The following RIN2 variants were observed in gnomAD, a reference collection of about 807,000 sequenced individuals.
RIN2 encodes Ras and Rab interactor 2, also known as RAB5 interacting protein 2.
Under a neutral mutation model 78.0 loss-of-function variants are expected in RIN2, and 36 were observed. The observed-to-expected ratio is 0.46, with a 90% CI of 0.35 to 0.61. The LOEUF (loss-of-function observed/expected upper bound fraction) is 0.61, where lower values mean the gene tolerates loss of function less well. Among genes scored for constraint, RIN2 ranks in the 20% least tolerant of loss-of-function variants. The probability of loss-of-function intolerance (pLI) is 0.00; values close to 1 mark genes in which losing one functional copy is unlikely to be tolerated. For missense variants in RIN2, 1,087 were observed against 1,159.7 expected (o/e 0.94, Z 0.91); for synonymous variants, 466 against 466.8 (o/e 1.00, Z 0.02).
intron 1 of RIN2, among the ~76,000 whole-genome samples, chr20:19,766,737 A>G (rs2033900372): frequency 6.6e-6 from 1 of 152,036 alleles, no homozygotes; most frequent in Non-Finnish European, 1.5e-5. Context: ...CCTGGCCAAT[A>G]TGGTGAAACC....
chr20:19,974,581 T>C, intron 8 of RIN2, 73 bp from the exon 9 acceptor site: 1 of 1,489,408 alleles, frequency 6.7e-7, no homozygotes, highest in Admixed American at 1.9e-5. Flanking sequence ...GCAGTGTGCT[T>C]TTTTTAATTT....
At position 19,844,651 on chromosome 20, in the gene RIN2, CTT is replaced by C. The variant is rs374502699; in HGVS notation, c.-37+44905_-37+44906del. ...TCTTCTTCTTCTTCTTCTTCTTCTTCTTCTTCTTCTTCTTCTTCCTTCTTCTT... is the reference window on the plus strand; with the variant it reads ...TCTTCTTCTTCTTCTTCTTCTTCTTCCTTCTTCTTCTTCTTCCTTCTTCTT... On this transcript the variant is annotated intron_variant, in intron 2 of 12. Transcript: ENST00000255006. 3.8e-4 allele frequency among the ~76,000 whole-genome samples: 40 copies of C among 106,614 alleles called. 1 individual carries two copies. In the East Asian group the frequency reaches 3.8e-3, roughly 10 times the overall value. The allele number at this position is 106,614 out of a possible 152,430, so 69.9% of individuals were successfully genotyped here.
chr20:19,832,887 C>A (rs1295667925), intron 2 of RIN2, among the ~76,000 whole-genome samples: 1 of 152,106 alleles, frequency 6.6e-6, no homozygotes, highest in African/African-American at 2.4e-5. Flanking sequence ...TTCTCCCCTC[C>A]TAAGGGCCCC....
chr20:19,886,634 T>C (rs2038207734), intron 2 of RIN2: 3 of 686,894 alleles, frequency 4.4e-6, no homozygotes, highest in Admixed American at 3.0e-5. Context: ...TTTTTTTTGC[T>C]AGCTTTTAGC....
chr20:19,965,135 C>A, intron 7 of RIN2, 111 bp downstream of exon 7: 1 of 816,190 alleles, frequency 1.2e-6, no homozygotes, highest in Non-Finnish European at 2.1e-6. Context: ...TTGATGTTGG[C>A]AGATTAAGAC....
In RIN2 at chr20:19,844,675, T is replaced by TCTTC. The variant is rs2036712500; in HGVS notation, c.-36-44890_-36-44887dup. ...TCTTCTTCTTCTTCTTCTTCCTTCTTCTTCTTCTTCCTCTTCCTCTTCCTC... is the reference window on the plus strand; with the variant it reads ...TCTTCTTCTTCTTCTTCTTCCTTCTTCTTCCTTCTTCTTCCTCTTCCTCTTCCTC... On this transcript the variant is annotated intron_variant, in intron 2 of 12. Transcript: ENST00000255006. Among the ~76,000 whole-genome samples, 21 of 67,604 alleles carry TCTTC rather than the reference T, an allele frequency of 3.1e-4. No individual in the cohort carries two copies. In the East Asian group the frequency reaches 6.2e-3, roughly 20 times the overall value. The allele number at this position is 67,604 out of a possible 152,430, so 44.4% of individuals were successfully genotyped here.
At chr20:19,918,654 A>G (rs1336871473) in intron 3 of RIN2, among the ~76,000 whole-genome samples, 6 of 152,184 alleles carry the variant, frequency 3.9e-5, no homozygotes, top group Non-Finnish European at 7.3e-5. Context: ...AAGACATAAA[A>G]GGCAATACAA....
chr20:19,963,855 C>CTTT (rs869033357), intron 6 of RIN2, among the ~76,000 whole-genome samples: 20 of 86,618 alleles, frequency 2.3e-4, no homozygotes, highest in African/African-American at 5.9e-4. Context: ...CAGTATGTGT[C>CTTT]TTTTTTTTTT....
At chr20:19,824,109 C>T (rs187253823) in intron 2 of RIN2, among the ~76,000 whole-genome samples, 67 of 152,272 alleles carry the variant, frequency 4.4e-4, no homozygotes, top group African/African-American at 1.6e-3. Context: ...AAGTTATTTG[C>T]ATGCTGGACC....
chr20:19,808,409 C>G (rs1352865163), intron 2 of RIN2, among the ~76,000 whole-genome samples: 1 of 152,242 alleles, frequency 6.6e-6, no homozygotes, highest in Non-Finnish European at 1.5e-5. Flanking sequence ...CATGGCCCTG[C>G]TTTGACCATC....
At chr20:19,916,064 G>A (rs2039672624) in intron 3 of RIN2, among the ~76,000 whole-genome samples, 1 of 152,134 alleles carries the variant, frequency 6.6e-6, no homozygotes, top group South Asian at 2.1e-4. Context: ...ACATGGTGAA[G>A]CCCTGAATCT....
At chr20:19,836,151 G>C (rs111995507) in intron 2 of RIN2, among the ~76,000 whole-genome samples, 1 of 152,122 alleles carries the variant, frequency 6.6e-6, no homozygotes, top group African/African-American at 2.4e-5. Context: ...GGTATCATCT[G>C]GTGACATCAG....
At chr20:19,912,759 G>A (rs571050857) in intron 3 of RIN2, among the ~76,000 whole-genome samples, 9 of 152,256 alleles carry the variant, frequency 5.9e-5, no homozygotes, top group Admixed American at 1.3e-4. Flanking sequence ...GATTACAGGC[G>A]TGAGCTACCA....
chr20:19,862,948 A>T (rs1319937865), intron 2 of RIN2, among the ~76,000 whole-genome samples: 1 of 152,226 alleles, frequency 6.6e-6, no homozygotes, highest in African/African-American at 2.4e-5. Context: ...GCGTGGAGCC[A>T]GCAGACTTGT....
intron 3 of RIN2, among the ~76,000 whole-genome samples, chr20:19,900,552 G>A (rs2123621727): frequency 6.6e-6 from 1 of 151,660 alleles, no homozygotes; most frequent in Admixed American, 6.6e-5. Context: ...ACTTTGGGAG[G>A]TCGAGGTGGG....
In RIN2 at chr20:19,974,659, T is replaced by C. The variant is rs757343401; in HGVS notation, c.634T>C (p.Trp212Arg). The C allele has an allele frequency of 6.2e-7, 1 of 1,610,606 alleles. No homozygotes were observed. The highest frequency in any genetic ancestry group is 1.1e-5 in the South Asian group (1 of 90,996). Residue 212 changes from tryptophan to arginine, a missense_variant, in exon 9 of 13, where the codon TGG becomes CGG. Trp to Arg is a moderately radical substitution (Grantham distance 101). Coordinates refer to ENST00000255006, the MANE Select transcript of RIN2 (RefSeq NM_018993.4). ...EELAQMGLNF[W>R]SSPADSKPPN... Reference sequence around the variant, plus strand: ...TCACTGATAATGACTTTCAGATTTCTGGAGCTCCCCAGCTGACAGCAAACC... The same window carrying C: ...TCACTGATAATGACTTTCAGATTTCCGGAGCTCCCCAGCTGACAGCAAACC...
intron 2 of RIN2, among the ~76,000 whole-genome samples, chr20:19,852,391 C>A (rs1346485400): frequency 1.3e-5 from 2 of 152,188 alleles, no homozygotes; most frequent in African/African-American, 2.4e-5. Flanking sequence ...AGCTAGAAAT[C>A]TTAGTATATT....
In RIN2 at chr20:19,870,788, T is replaced by C. The variant is rs537445421; in HGVS notation, c.-36-18778T>C. Among the ~76,000 whole-genome samples, 43 of 152,272 alleles carry C rather than the reference T, an allele frequency of 2.8e-4. No individual in the cohort carries two copies. The South Asian group carries it at 8.7e-3, about 31-fold the overall frequency. On this transcript the variant is annotated intron_variant, in intron 2 of 12. Transcript: ENST00000255006. ...GGTATGATGTTTCTTCTTGATGAGA[T>C]TCCACATACACACTCTCTGTTGTAA...
At chr20:19,883,969 T>C (rs1203834832) in intron 2 of RIN2, among the ~76,000 whole-genome samples, 1 of 147,428 alleles carries the variant, frequency 6.8e-6, no homozygotes, top group African/African-American at 2.4e-5. Context: ...AAATACTTTT[T>C]AATTTTTTTA....
Sources: allele counts gnomAD v4.1 joint callset (sites outside exome capture counted in the v4.1 genomes callset), GRCh38; gene constraint gnomAD v4.1.1; transcripts MANE v1.5; gene names NCBI Gene and HGNC (gene_info 2026-07-23, HGNC 2026-07-21).